CDC14B: variants seen among roughly 807,000 people sequenced by gnomAD.
The protein encoded by CDC14B is dual specificity protein phosphatase CDC14B.
In CDC14B, 22 loss-of-function variants were observed where a neutral mutation model predicts 64.2. The ratio of observed to expected loss-of-function variants is 0.34; its 90% CI spans 0.24 to 0.49. CDC14B has a LOEUF of 0.49. Among genes scored for constraint, CDC14B ranks in the 20% least tolerant of loss-of-function variants. The probability of loss-of-function intolerance (pLI) is 0.99; values close to 1 mark genes in which losing one functional copy is unlikely to be tolerated. For missense variants in CDC14B, 498 were observed against 629.9 expected (o/e 0.79, Z 2.24); for synonymous variants, 191 against 215.8 (o/e 0.89, Z 1.01).
rs181856411 is a variant in CDC14B, at chr9:96,593,465, C to T, written c.160+25754G>A. 1.7e-4 allele frequency among the ~76,000 whole-genome samples: 24 copies of T among 140,216 alleles called. 2 individuals are homozygous for T. The highest frequency in any genetic ancestry group is 1.1e-3 in the South Asian group (5 of 4,544). 92.0% of individuals were successfully genotyped at this position (140,216 alleles called of 152,430 possible). ...TGGCACCACTGCACTCCAGAACGGG[C>T]GACAGAGCAAGACTTGGTCTCAAAA... On this transcript the variant is annotated intron_variant, in intron 1 of 13. Coordinates refer to ENST00000375241, the MANE Select transcript of CDC14B (RefSeq NM_033331.4).
rs111627258 is a variant in CDC14B, at chr9:96,533,114, C to T, written c.946+813G>A. On this transcript the variant is annotated intron_variant, in intron 9 of 13. Coordinates refer to ENST00000375241, the MANE Select transcript of CDC14B (RefSeq NM_033331.4). ...CCAAAGTAGCTGGGATTACAGGTAT[C>T]CGTCACCACACCCAGCTAATTTTTT... Among the ~76,000 whole-genome samples, 1,019 of 152,142 alleles carry T rather than the reference C, an allele frequency of 6.7e-3. 13 individuals are homozygous for T. The highest frequency in any genetic ancestry group is 0.023 in the African/African-American group (945 of 41,502).
intron 12 of CDC14B, among the ~76,000 whole-genome samples, chr9:96,514,205 T>C (rs1222633148): frequency 6.6e-6 from 1 of 152,172 alleles, no homozygotes; most frequent in Admixed American, 6.5e-5. Context: ...AGAGACCATG[T>C]TTAAACTTAC....
chr9:96,608,027 ACT>A (rs1169208764), intron 1 of CDC14B, among the ~76,000 whole-genome samples: 10 of 152,078 alleles, frequency 6.6e-5, no homozygotes, highest in Middle Eastern at 3.4e-3. Flanking sequence ...ATCTTGTTTG[ACT>A]CTCTATGAGT....
At chr9:96,571,686 A>G (rs1013569361) in intron 1 of CDC14B, among the ~76,000 whole-genome samples, 2 of 151,926 alleles carry the variant, frequency 1.3e-5, no homozygotes, top group Admixed American at 6.6e-5. Context: ...CTAGCTCCCA[A>G]CTCCCATAAG....
chr9:96,539,373 G>A (rs1422628752), intron 6 of CDC14B, among the ~76,000 whole-genome samples: 4 of 152,102 alleles, frequency 2.6e-5, no homozygotes, highest in African/African-American at 9.7e-5. Flanking sequence ...TTTGGATTTT[G>A]TTTGTGAGAT....
chr9:96,517,172 T>C (rs1835810435), intron 12 of CDC14B, among the ~76,000 whole-genome samples: 1 of 150,254 alleles, frequency 6.7e-6, no homozygotes, highest in South Asian at 2.1e-4. Context: ...AAACCCCGTC[T>C]CTACTAAAAA....
At chr9:96,572,658 C>G (rs1844545193) in intron 1 of CDC14B, among the ~76,000 whole-genome samples, 1 of 152,046 alleles carries the variant, frequency 6.6e-6, no homozygotes, top group Admixed American at 6.6e-5. Context: ...AAAAAAAAGC[C>G]TATCAACATG....
chr9:96,528,531 A>G (rs1187994292), intron 9 of CDC14B, among the ~76,000 whole-genome samples: 1 of 146,098 alleles, frequency 6.8e-6, no homozygotes, highest in African/African-American at 2.8e-5. Context: ...CAAAAAAAAG[A>G]AAAAAAAAGA....
Position 96,607,367 on chromosome 9 carries a change from T to C in CDC14B, c.160+11852A>G, listed in dbSNP as rs560355942. On this transcript the variant is annotated intron_variant, in intron 1 of 13. Coordinates refer to ENST00000375241, the MANE Select transcript of CDC14B (RefSeq NM_033331.4). ...GATTTCATTAAATTTTTTTTTTTTT[T>C]CATTTTGGAGCAAAGCTGTTATTCA... 2.6e-5 allele frequency among the ~76,000 whole-genome samples: 4 copies of C among 151,376 alleles called. No individual in the cohort carries two copies. In the South Asian group the frequency reaches 8.3e-4, roughly 32 times the overall value.
At chr9:96,615,446 A>T (rs1286260057) in intron 1 of CDC14B, among the ~76,000 whole-genome samples, 1 of 152,224 alleles carries the variant, frequency 6.6e-6, no homozygotes, top group Non-Finnish European at 1.5e-5. Flanking sequence ...CCTGGGATCT[A>T]TGGGAATTCA....
At chr9:96,566,842 G>A in intron 1 of CDC14B, 1 of 1,595,702 alleles carries the variant, frequency 6.3e-7, no homozygotes, top group Admixed American at 1.7e-5. Context: ...GGAAGGCGGG[G>A]CAGAGGCAAG....
intron 13 of CDC14B, among the ~76,000 whole-genome samples, chr9:96,494,646 C>A (rs1006638717): frequency 3.3e-5 from 5 of 152,170 alleles, no homozygotes; most frequent in African/African-American, 1.2e-4. Context: ...CGCCTTGGGC[C>A]AATCAGTCCT....
At position 96,564,788 on chromosome 9, in the gene CDC14B, T is replaced by C; in HGVS notation, c.316A>G (p.Lys106Glu). The C allele has an allele frequency of 6.3e-7, 1 of 1,595,110 alleles. No homozygotes were observed. Among genetic ancestry groups the C allele is most frequent in the East Asian group, 2.2e-5 (1 of 44,502 alleles). ...MVYRYCCKIN[K>E]KLKSITMLRK... Reference sequence around the variant, plus strand: ...CTTAAAGACTTTACCTTTAATTTCTTATTGATCTTGCAACAATATCTGTAA... The same window carrying C: ...CTTAAAGACTTTACCTTTAATTTCTCATTGATCTTGCAACAATATCTGTAA... Residue 106 changes from lysine to glutamate, a missense_variant, in exon 3 of 14, where the codon AAG becomes GAG. By Grantham distance (56) the Lys-to-Glu change is moderately conservative. Transcript: ENST00000375241.
Position 96,561,304 on chromosome 9 carries a change from T to G in CDC14B, c.420+1389A>C, listed in dbSNP as rs1343707400. On this transcript the variant is annotated intron_variant, in intron 4 of 13. Transcript: ENST00000375241. ...CCTTATACATAAAAAAGAAAATTAT[T>G]AAATCTTGAGGTACGATTTCAACTA... 2.0e-5 allele frequency among the ~76,000 whole-genome samples: 3 copies of G among 152,242 alleles called. No homozygotes were observed. In the East Asian group the frequency reaches 5.8e-4, roughly 29 times the overall value.
intron 13 of CDC14B, among the ~76,000 whole-genome samples, chr9:96,493,440 C>T (rs1309196580): frequency 6.6e-6 from 1 of 152,046 alleles, no homozygotes; most frequent in East Asian, 1.9e-4. Context: ...CCACAGGGGG[C>T]CTGTGTTGTG....
chr9:96,598,450 C>T (rs540255839), intron 1 of CDC14B, among the ~76,000 whole-genome samples: 1 of 152,260 alleles, frequency 6.6e-6, no homozygotes, highest in South Asian at 2.1e-4. Flanking sequence ...CATTCGCCTG[C>T]CTCAGCCTCC....
In CDC14B at chr9:96,501,162, T is replaced by C. The variant is rs1245213952; in HGVS notation, c.*2591A>G. ...TTCTACAAAAAGCTAAGTCCGTCTATACTTCTAGGAACCCAGTTTTGCAGA... is the reference window on the plus strand; with the variant it reads ...TTCTACAAAAAGCTAAGTCCGTCTACACTTCTAGGAACCCAGTTTTGCAGA... On this transcript the variant is annotated 3_prime_UTR_variant, in exon 14 of 14. Transcript: ENST00000375241. 1 of 151,982 alleles carries C rather than the reference T, an allele frequency of 6.6e-6. No homozygotes were observed. The allele number at this position is 151,982 out of a possible 1,614,324, so 9.4% of individuals were successfully genotyped here. A position where few individuals can be genotyped will look rare whatever the true frequency, so the allele number is the denominator to read the frequency against.
intron 3 of CDC14B, among the ~76,000 whole-genome samples, chr9:96,563,992 C>T (rs2132298683): frequency 6.6e-6 from 1 of 152,264 alleles, no homozygotes; most frequent in South Asian, 2.1e-4. Context: ...CTGCCTTACC[C>T]ATGAATTTTT....
intron 9 of CDC14B, among the ~76,000 whole-genome samples, chr9:96,524,950 G>A (rs1241480130): frequency 1.3e-5 from 2 of 152,228 alleles, no homozygotes; most frequent in Admixed American, 6.5e-5. Context: ...AAATGGAGAA[G>A]TGGCTTTGTG....
Sources: gnomAD v4.1 joint callset for allele counts (sites outside exome capture counted in the v4.1 genomes callset) on GRCh38, gnomAD v4.1.1 for gene constraint, MANE v1.5 for transcripts, NCBI Gene and HGNC (gene_info 2026-07-23, HGNC 2026-07-21) for gene names.